Variants in PTPRG observed in about 807,000 individuals in gnomAD.
PTPRG encodes the protein receptor-type tyrosine-protein phosphatase gamma.
A neutral mutation model predicts 165.3 loss-of-function variants in PTPRG; 102 were observed. The observed-to-expected ratio is 0.62, with a 90% confidence interval of 0.53 to 0.73. The LOEUF (loss-of-function observed/expected upper bound fraction) is 0.73, where lower values mean the gene tolerates loss of function less well. Ranked by LOEUF, PTPRG falls within the 30% of genes least tolerant of loss-of-function variation. The pLI, the probability that PTPRG is intolerant of heterozygous loss-of-function variation, is 0.00. For missense variants in PTPRG, 1,866 were observed against 1,861.4 expected (o/e 1.00, Z -0.05); for synonymous variants, 675 against 669.5 (o/e 1.01, Z -0.13).
intron 2 of PTPRG, among the ~76,000 whole-genome samples, chr3:61,940,154 C>A (rs147144644): frequency 1.3e-5 from 2 of 151,864 alleles, no homozygotes; most frequent in Non-Finnish European, 2.9e-5. Context: ...ACCAGGTTGG[C>A]CAGGCTGGTC....
At chr3:62,191,255 G>A (rs1242286384) in intron 8 of PTPRG, among the ~76,000 whole-genome samples, 1 of 151,820 alleles carries the variant, frequency 6.6e-6, no homozygotes, top group Non-Finnish European at 1.5e-5. Context: ...ACGTGTGTGT[G>A]CATCTGTGTC....
At chr3:61,819,734 A>T (rs1170781841) in intron 2 of PTPRG, among the ~76,000 whole-genome samples, 1 of 152,188 alleles carries the variant, frequency 6.6e-6, no homozygotes, top group African/African-American at 2.4e-5. Flanking sequence ...AATCCATAAC[A>T]TGGGAATCTT....
intron 2 of PTPRG, among the ~76,000 whole-genome samples, chr3:61,899,247 G>T: frequency 6.6e-6 from 1 of 152,146 alleles, no homozygotes; most frequent in Non-Finnish European, 1.5e-5. Flanking sequence ...ATAAATGATG[G>T]TTAGTTCTGA....
At chr3:61,749,013 C>T in intron 2 of PTPRG, 31 bp downstream of exon 2, 3 of 1,548,614 alleles carry the variant, frequency 1.9e-6, no homozygotes, top group Non-Finnish European at 2.7e-6. Context: ...GGAGATCACA[C>T]AGGCCAGTTA....
intron 26 of PTPRG, among the ~76,000 whole-genome samples, chr3:62,280,547 A>C (rs1275000052): frequency 2.6e-5 from 4 of 152,068 alleles, no homozygotes; most frequent in Non-Finnish European, 5.9e-5. Flanking sequence ...TAGCTATTAA[A>C]AACAATCAAA....
intron 1 of PTPRG, among the ~76,000 whole-genome samples, chr3:61,603,415 C>T (rs940256508): frequency 1.3e-5 from 2 of 152,170 alleles, no homozygotes; most frequent in African/African-American, 2.4e-5. Context: ...GCTTTGCCTT[C>T]TGCCATGATT....
intron 2 of PTPRG, among the ~76,000 whole-genome samples, chr3:61,783,655 G>T (rs2034609084): frequency 6.6e-6 from 1 of 152,142 alleles, no homozygotes; most frequent in South Asian, 2.1e-4. Context: ...TGGGAGTGGG[G>T]AGCTGGCAGC....
At chr3:61,695,513 C>A (rs1375788523) in intron 1 of PTPRG, among the ~76,000 whole-genome samples, 2 of 152,162 alleles carry the variant, frequency 1.3e-5, no homozygotes, top group Non-Finnish European at 2.9e-5. Context: ...GTTCCGTTGA[C>A]TAAAGGATTT....
intron 4 of PTPRG, among the ~76,000 whole-genome samples, chr3:62,026,757 G>A (rs1359369405): frequency 1.3e-5 from 2 of 151,840 alleles, no homozygotes; most frequent in East Asian, 3.9e-4. Flanking sequence ...GTGGTGGCAC[G>A]TGCCTGTAGT....
At chr3:62,148,361 C>T (rs1162147736) in intron 6 of PTPRG, among the ~76,000 whole-genome samples, 3 of 152,088 alleles carry the variant, frequency 2.0e-5, no homozygotes, top group South Asian at 2.1e-4. Context: ...CAGGTCATGT[C>T]GGGCCCCATG....
At chr3:61,583,948 G>A (rs1283945413) in intron 1 of PTPRG, among the ~76,000 whole-genome samples, 1 of 152,200 alleles carries the variant, frequency 6.6e-6, no homozygotes, top group Non-Finnish European at 1.5e-5. Flanking sequence ...GAAGTACACA[G>A]AAGGATAGAT....
intron 2 of PTPRG, among the ~76,000 whole-genome samples, chr3:61,891,774 A>G (rs1017582598): frequency 2.0e-5 from 3 of 152,214 alleles, no homozygotes; most frequent in Non-Finnish European, 4.4e-5. Context: ...TTGATCCTCT[A>G]TCATGGGAAG....
At chr3:61,979,975 C>G (rs1195419967) in intron 2 of PTPRG, among the ~76,000 whole-genome samples, 1 of 151,658 alleles carries the variant, frequency 6.6e-6, no homozygotes, top group Non-Finnish European at 1.5e-5. Context: ...GGTAGGTATA[C>G]AGACCCTCAG....
intron 2 of PTPRG, among the ~76,000 whole-genome samples, chr3:61,755,249 C>G (rs2033596428): frequency 6.6e-6 from 1 of 152,174 alleles, no homozygotes; most frequent in South Asian, 2.1e-4. Context: ...CTCAAGTGAT[C>G]TGCCTGTCTT....
At chr3:62,042,027 CCA>C (rs1700145520) in intron 4 of PTPRG, among the ~76,000 whole-genome samples, 1 of 152,052 alleles carries the variant, frequency 6.6e-6, no homozygotes, top group Non-Finnish European at 1.5e-5. Context: ...AGGATTATAC[CCA>C]GGGAATGGGG....
chr3:61,678,162 T>TAA (rs1703302913), intron 1 of PTPRG, among the ~76,000 whole-genome samples: 1 of 152,118 alleles, frequency 6.6e-6, no homozygotes, highest in African/African-American at 2.4e-5. Flanking sequence ...ACCAAAGGCA[T>TAA]GCGTGTGGCT....
intron 1 of PTPRG, among the ~76,000 whole-genome samples, chr3:61,568,483 A>G (rs1217569405): frequency 6.6e-6 from 1 of 152,198 alleles, no homozygotes; most frequent in Non-Finnish European, 1.5e-5. Context: ...TGGAGGGACC[A>G]TTTCACCTGG....
intron 2 of PTPRG, among the ~76,000 whole-genome samples, chr3:61,844,065 G>T (rs1482672867): frequency 6.6e-6 from 1 of 151,096 alleles, no homozygotes; most frequent in Non-Finnish European, 1.5e-5. Context: ...CCGGTTTCAA[G>T]CGATTCTCCT....
intron 12 of PTPRG, among the ~76,000 whole-genome samples, chr3:62,211,037 G>A (rs1266725088): frequency 3.9e-5 from 6 of 152,180 alleles, no homozygotes; most frequent in African/African-American, 1.4e-4. Flanking sequence ...GGATCTCAAA[G>A]AGGTATTTGT....
Sources: gnomAD v4.1 joint callset for allele counts (sites outside exome capture counted in the v4.1 genomes callset) on GRCh38, gnomAD v4.1.1 for gene constraint, MANE v1.5 for transcripts, NCBI Gene and HGNC (gene_info 2026-07-23, HGNC 2026-07-21) for gene names.